RBM48: variants seen among roughly 807,000 people sequenced by gnomAD.
The protein encoded by RBM48 is RNA binding motif protein 48.
Under a neutral mutation model 34.8 loss-of-function variants are expected in RBM48, and 32 were observed. The ratio of observed to expected loss-of-function variants is 0.92; its 90% CI spans 0.69 to 1.23. The LOEUF (loss-of-function observed/expected upper bound fraction) is 1.23, where lower values mean the gene tolerates loss of function less well. Ranked by LOEUF, RBM48 falls within the 50% of genes most tolerant of loss-of-function variation. The pLI is 0.00. For synonymous variants in RBM48, 151 were observed against 156.2 expected (o/e 0.97, Z 0.25); for missense variants, 441 against 447.2 (o/e 0.99, Z 0.12).
chr7:92,531,951 T>G (rs1450882656), intron 2 of RBM48, among the ~76,000 whole-genome samples: 10 of 152,214 alleles, frequency 6.6e-5, no homozygotes, highest in Admixed American at 6.5e-4. Flanking sequence ...ATTTTCTCAT[T>G]GTTATATATT....
At position 92,539,439 on chromosome 7, in the gene RBM48, T is replaced by A. The variant is rs1793806241; in HGVS notation, c.*2502T>A. ...TTATTATTTTGGGCACAGTGGCTCATGCCTATAATCCCAGCACTTTGGGAG... is the reference window on the plus strand; with the variant it reads ...TTATTATTTTGGGCACAGTGGCTCAAGCCTATAATCCCAGCACTTTGGGAG... On this transcript the variant is annotated 3_prime_UTR_variant, in exon 5 of 5. Coordinates refer to ENST00000265732, the MANE Select transcript of RBM48 (RefSeq NM_032120.4). Among the ~76,000 whole-genome samples the A allele has an allele frequency of 6.6e-6, 1 of 152,202 alleles. No homozygotes were observed. Among genetic ancestry groups the A allele is most frequent in the South Asian group, 2.1e-4 (1 of 4,832 alleles).
In RBM48 at chr7:92,539,413, G is replaced by T. The variant is rs1329615676; in HGVS notation, c.*2476G>T. On this transcript the variant is annotated 3_prime_UTR_variant, in exon 5 of 5. Coordinates refer to ENST00000265732, the MANE Select transcript of RBM48 (RefSeq NM_032120.4). ...GCTAATTTACAAAATTTCCATATAG[G>T]TTATTATTTTGGGCACAGTGGCTCA... is the stretch of plus-strand genomic sequence containing the variant. 4.6e-5 allele frequency among the ~76,000 whole-genome samples: 7 copies of T among 152,146 alleles called. No homozygotes were observed. The highest frequency in any genetic ancestry group is 1.4e-4 in the African/African-American group (6 of 41,450).
chr7:92,528,991 A>C lies in RBM48; in HGVS notation c.111+67A>C, dbSNP rs1020783934. 14 of 1,163,438 alleles carry C rather than the reference A, an allele frequency of 1.2e-5. No individual in the cohort carries two copies. In the African/African-American group the frequency reaches 2.1e-4, roughly 18 times the overall value. 72.1% of individuals were successfully genotyped at this position (1,163,438 alleles called of 1,614,324 possible). A position where few individuals can be genotyped will look rare whatever the true frequency, so the allele number is the denominator to read the frequency against. Reference sequence around the variant, plus strand: ...ATGTGAGTGCTAGCGCCATATGACCAGCCTACGGAAATAAAGGCACGACAA... The same window carrying C: ...ATGTGAGTGCTAGCGCCATATGACCCGCCTACGGAAATAAAGGCACGACAA... On this transcript the variant is annotated intron_variant, in intron 1 of 4. Coordinates refer to ENST00000265732, the MANE Select transcript of RBM48 (RefSeq NM_032120.4).
intron 1 of RBM48, 93 bp from the exon 2 acceptor site, chr7:92,529,383 C>A: frequency 1.4e-6 from 1 of 737,494 alleles, no homozygotes; most frequent in Non-Finnish European, 2.2e-6. Context: ...CAGATTATTT[C>A]TTGTTTTCAA....
rs748075791 is a variant in RBM48, at chr7:92,529,587, T to C, written c.223T>C (p.Tyr75His). 1.2e-6 allele frequency: 2 copies of C among 1,610,942 alleles called. No homozygotes were observed. Among genetic ancestry groups the C allele is most frequent in the Non-Finnish European group, 1.7e-6 (2 of 1,177,376 alleles). The change falls in exon 2 of 5, where the codon TAC (tyrosine) becomes CAC (histidine). Residue 75 changes from tyrosine to histidine, a missense_variant. Transcript: ENST00000265732. Reference sequence around the variant, plus strand: ...CGCTTTATATGGTGCAATTGAACAGTACAATGCTCTAGATGAATACCCAGC... The same window carrying C: ...CGCTTTATATGGTGCAATTGAACAGCACAATGCTCTAGATGAATACCCAGC... ...RFALYGAIEQ[Y>H]NALDEYPAED... is the part of the protein sequence containing the mutation.
At chr7:92,531,033 A>G (rs760337758) in intron 2 of RBM48, among the ~76,000 whole-genome samples, 1 of 152,036 alleles carries the variant, frequency 6.6e-6, no homozygotes, top group Non-Finnish European at 1.5e-5. Context: ...AGTGAGTCTT[A>G]TGGGCCACTA....
In RBM48 at chr7:92,535,918, T is replaced by G. The variant is rs541492861; in HGVS notation, c.1018-933T>G. ...GGGAGGCTGAGGTGAGCAGATTGCT[T>G]GAGCCCAGGAGTCTGAGACCAGCCT... On this transcript the variant is annotated intron_variant, in intron 4 of 4. Transcript: ENST00000265732. 922 of 650,672 alleles carry G rather than the reference T, an allele frequency of 1.4e-3. 2 individuals are homozygous for G. Among genetic ancestry groups the G allele is most frequent in the Non-Finnish European group, 1.6e-3 (864 of 524,550 alleles). The allele number at this position is 650,672 out of a possible 1,614,324, so 40.3% of individuals were successfully genotyped here.
chr7:92,528,994 C>T (rs1793457942), intron 1 of RBM48, 70 bp downstream of exon 1: 6 of 1,147,448 alleles, frequency 5.2e-6, no homozygotes, highest in Non-Finnish European at 7.7e-6. Context: ...TATGACCAGC[C>T]TACGGAAATA....
chr7:92,535,098 A>G, intron 4 of RBM48, 128 bp downstream of exon 4: 1 of 1,476,130 alleles, frequency 6.8e-7, no homozygotes, highest in Non-Finnish European at 9.0e-7. Context: ...GTTTTTCTAC[A>G]GTTCTCTGTT....
intron 2 of RBM48, among the ~76,000 whole-genome samples, chr7:92,531,025 T>C (rs1793562873): frequency 6.6e-6 from 1 of 151,992 alleles, no homozygotes; most frequent in Non-Finnish European, 1.5e-5. Flanking sequence ...GAGGTTGCAG[T>C]GAGTCTTATG....
intron 3 of RBM48, 50 bp from the exon 4 acceptor site, chr7:92,534,349 CAAT>C (rs1246742605): frequency 6.5e-7 from 1 of 1,541,934 alleles, no homozygotes; most frequent in Non-Finnish European, 8.8e-7. Flanking sequence ...ATGATGAAAA[CAAT>C]AAACCACTTC....
intron 2 of RBM48, among the ~76,000 whole-genome samples, chr7:92,532,167 G>A (rs1259386535): frequency 6.6e-6 from 1 of 152,106 alleles, no homozygotes; most frequent in Non-Finnish European, 1.5e-5. Context: ...GTTGTTTAAA[G>A]ACTAGGGAAC....
chr7:92,529,055 A>G (rs1440373861), intron 1 of RBM48, 131 bp downstream of exon 1: 2 of 728,820 alleles, frequency 2.7e-6, no homozygotes, highest in Middle Eastern at 2.4e-4. Flanking sequence ...AGCTGGCGTG[A>G]AGAACCCTCG....
chr7:92,539,271 C>T lies in RBM48; in HGVS notation c.*2334C>T, dbSNP rs1019042449. Among the ~76,000 whole-genome samples the T allele has an allele frequency of 1.3e-5, 2 of 152,198 alleles. No individual in the cohort carries two copies. Among genetic ancestry groups the T allele is most frequent in the African/African-American group, 4.8e-5 (2 of 41,442 alleles). On this transcript the variant is annotated 3_prime_UTR_variant, in exon 5 of 5. Coordinates refer to ENST00000265732, the MANE Select transcript of RBM48 (RefSeq NM_032120.4). ...TTGGAAGCCTGCCTTTTACACATTG[C>T]TTTTTACCACACGTTTCCAGAAAGT...
intron 1 of RBM48, 150 bp from the exon 2 acceptor site, chr7:92,529,326 G>A: frequency 1.7e-6 from 1 of 587,854 alleles, no homozygotes; most frequent in Non-Finnish European, 3.0e-6. Context: ...TTATGCAGAA[G>A]GAATGGCAGA....
At chr7:92,534,370 C>A in intron 3 of RBM48, 32 bp from the exon 4 acceptor site, 2 of 1,582,036 alleles carry the variant, frequency 1.3e-6, no homozygotes, top group East Asian at 2.2e-5. Context: ...TTCTGTTTCC[C>A]TTTCCCTCAA....
In RBM48 at chr7:92,536,928, A is replaced by C. The variant is rs745911841; in HGVS notation, c.1095A>C (p.Arg365Ser). 10 of 1,599,924 alleles carry C rather than the reference A, an allele frequency of 6.3e-6. No homozygotes were observed. In the South Asian group the frequency reaches 1.1e-4, roughly 18 times the overall value. ...VHTSHPLKQR[R>S]RI The stretch of plus-strand genomic sequence containing the variant: ...CAAGTCATCCATTAAAACAAAGAAG[A>C]AGAATATAGAGTGCCAGCAGCAACT... The change falls in exon 5 of 5, where the codon AGA becomes AGC. Residue 365 changes from arginine (R) to serine (S), a missense_variant. Arg to Ser is a moderately radical substitution (Grantham distance 110, BLOSUM62 -1). Transcript: ENST00000265732.
rs1015333566 is a variant in RBM48, at chr7:92,539,723, T to C, written c.*2786T>C. On this transcript the variant is annotated 3_prime_UTR_variant, in exon 5 of 5. Coordinates refer to ENST00000265732, the MANE Select transcript of RBM48 (RefSeq NM_032120.4). ...CAAAAAAAAGTGTTCTTGTATACCA[T>C]GTTTGAAAAGCATAGTTGATAAAGG... 1.3e-5 allele frequency among the ~76,000 whole-genome samples: 2 copies of C among 152,212 alleles called. No individual in the cohort carries two copies. The highest frequency in any genetic ancestry group is 2.9e-5 in the Non-Finnish European group (2 of 68,034).
intron 3 of RBM48, 26 bp from the exon 4 acceptor site, chr7:92,534,376 C>A: frequency 6.3e-7 from 1 of 1,588,216 alleles, no homozygotes; most frequent in South Asian, 1.1e-5. Flanking sequence ...TTCCCTTTCC[C>A]TCAACTTTTA....
Sources: allele counts gnomAD v4.1 joint callset (sites outside exome capture counted in the v4.1 genomes callset), GRCh38; gene constraint gnomAD v4.1.1; transcripts MANE v1.5; gene names NCBI Gene and HGNC (gene_info 2026-07-23, HGNC 2026-07-21).